Variants in NKAIN3 observed in about 807,000 individuals in gnomAD.
NKAIN3 encodes the protein sodium/potassium-transporting ATPase subunit beta-1-interacting protein 3.
A neutral mutation model predicts 30.2 loss-of-function variants in NKAIN3; 25 were observed. The ratio of observed to expected loss-of-function variants is 0.83; its 90% CI spans 0.60 to 1.16. The LOEUF is 1.16. Ranked by LOEUF, NKAIN3 falls within the 50% of genes most tolerant of loss-of-function variation. The pLI is 0.00. For missense variants in NKAIN3, 225 were observed against 254.1 expected, an observed-to-expected ratio of 0.89 and a Z score of 0.78; for synonymous variants, 91 against 89.6, an observed-to-expected ratio of 1.02 and a Z score of -0.09.
chr8:62,250,533 C>T (rs1305388912), intron 1 of NKAIN3, among the ~76,000 whole-genome samples: 1 of 152,156 alleles, frequency 6.6e-6, no homozygotes, highest in Non-Finnish European at 1.5e-5. Context: ...ATGGACATGG[C>T]TTATAAGTTG....
chr8:62,789,187 T>C (rs1018916894), intron 4 of NKAIN3, among the ~76,000 whole-genome samples: 7 of 152,114 alleles, frequency 4.6e-5, no homozygotes, highest in African/African-American at 1.4e-4. Flanking sequence ...CTTCCATTTG[T>C]TTGTATCCTC....
chr8:62,319,205 CTA>C (rs1814779769), intron 1 of NKAIN3, among the ~76,000 whole-genome samples: 1 of 151,974 alleles, frequency 6.6e-6, no homozygotes, highest in Non-Finnish European at 1.5e-5. Context: ...TTTATTGCGT[CTA>C]TTTTATTCTT....
chr8:62,314,873 T>C (rs1379970332), intron 1 of NKAIN3, among the ~76,000 whole-genome samples: 2 of 152,188 alleles, frequency 1.3e-5, no homozygotes, highest in African/African-American at 2.4e-5. Context: ...TCATAAACAC[T>C]GAACCTAATA....
chr8:62,730,954 C>G (rs1458818451), intron 3 of NKAIN3, among the ~76,000 whole-genome samples: 5 of 152,088 alleles, frequency 3.3e-5, no homozygotes, highest in African/African-American at 1.2e-4. Flanking sequence ...TTTTGATGCT[C>G]AAATTATTAC....
At chr8:62,821,648 A>G (rs1191395529) in intron 4 of NKAIN3, among the ~76,000 whole-genome samples, 1 of 152,108 alleles carries the variant, frequency 6.6e-6, no homozygotes, top group Non-Finnish European at 1.5e-5. Context: ...ACACATACCT[A>G]TGTGTCCTGA....
chr8:62,807,296 G>C (rs942750045), intron 4 of NKAIN3, among the ~76,000 whole-genome samples: 1 of 152,058 alleles, frequency 6.6e-6, no homozygotes, highest in Non-Finnish European at 1.5e-5. Context: ...CTTGCATCTT[G>C]TTTTCTCCAT....
rs193173130 is a variant in NKAIN3 at position 62,889,923 on chromosome 8, T to A, written c.472-28530T>A. The stretch of plus-strand genomic sequence containing the variant: ...CTGGTTCCATGTTGAGAGGCCACAG[T>A]GGAATGGTATAAAAAAAAACAAAGT... On this transcript the variant is annotated intron_variant, in intron 4 of 6. Transcript: ENST00000623646. Among the ~76,000 whole-genome samples the A allele has an allele frequency of 5.3e-5, 8 of 152,066 alleles. No individual in the cohort carries two copies. The East Asian group carries it at 1.4e-3, about 26-fold the overall frequency.
chr8:62,327,076 A>G (rs1471315969), intron 1 of NKAIN3, among the ~76,000 whole-genome samples: 1 of 149,326 alleles, frequency 6.7e-6, no homozygotes, highest in African/African-American at 2.6e-5. Flanking sequence ...TAGTGATGGT[A>G]AAAAATCTTT....
At chr8:62,609,677 G>A (rs932294887) in intron 3 of NKAIN3, among the ~76,000 whole-genome samples, 1 of 152,082 alleles carries the variant, frequency 6.6e-6, no homozygotes, top group Non-Finnish European at 1.5e-5. Flanking sequence ...AAAATAAAAG[G>A]AAATAAAAGG....
intron 4 of NKAIN3, among the ~76,000 whole-genome samples, chr8:62,788,476 C>G (rs1355388633): frequency 6.6e-6 from 1 of 152,106 alleles, no homozygotes; most frequent in Non-Finnish European, 1.5e-5. Context: ...TTCTCCCATT[C>G]TGTAGGTTGC....
At chr8:62,752,691 T>G (rs1816325622) in intron 4 of NKAIN3, among the ~76,000 whole-genome samples, 1 of 152,200 alleles carries the variant, frequency 6.6e-6, no homozygotes, top group Non-Finnish European at 1.5e-5. Flanking sequence ...AACTTCTTAT[T>G]TATCTCCCAT....
At chr8:62,308,029 G>C (rs774633806) in intron 1 of NKAIN3, among the ~76,000 whole-genome samples, 1 of 150,324 alleles carries the variant, frequency 6.7e-6, no homozygotes. Context: ...AAATGGGTCA[G>C]GAGAACATAG....
At chr8:62,862,298 A>T (rs577567622) in intron 4 of NKAIN3, among the ~76,000 whole-genome samples, 53 of 149,624 alleles carry the variant, frequency 3.5e-4, no homozygotes, top group African/African-American at 1.2e-3. Context: ...GTAGTAATTT[A>T]AAAAAAAAAG....
rs1823349855 is a variant in NKAIN3, at chr8:62,953,878, A to T, written c.533-24A>T. On this transcript the variant is annotated intron_variant, in intron 5 of 6. Transcript: ENST00000623646. ...ATGTGTATTTTTTACACACTTATTC[A>T]TATGGCCTATGTTATATTTTCAGTT... is the stretch of plus-strand genomic sequence containing the variant. 5 of 820,308 alleles carry T rather than the reference A, an allele frequency of 6.1e-6. No homozygotes were observed. The African/African-American group carries it at 9.3e-5, about 15-fold the overall frequency. The allele number at this position is 820,308 out of a possible 1,614,324, so 50.8% of individuals were successfully genotyped here.
At chr8:62,345,278 TAC>T (rs1815896579) in intron 1 of NKAIN3, among the ~76,000 whole-genome samples, 1 of 149,368 alleles carries the variant, frequency 6.7e-6, no homozygotes, top group African/African-American at 2.5e-5. Flanking sequence ...CACACACATA[TAC>T]ACGCACATAT....
intron 4 of NKAIN3, among the ~76,000 whole-genome samples, chr8:62,783,524 C>T (rs1034234662): frequency 6.6e-6 from 1 of 151,968 alleles, no homozygotes; most frequent in Non-Finnish European, 1.5e-5. Flanking sequence ...ATATAAAAGA[C>T]CTCCACAACA....
intron 3 of NKAIN3, among the ~76,000 whole-genome samples, chr8:62,645,729 G>T (rs1812440438): frequency 6.6e-6 from 1 of 152,128 alleles, no homozygotes; most frequent in East Asian, 1.9e-4. Flanking sequence ...ACTTTGTTTT[G>T]GGCATTTAAA....
chr8:62,589,876 TGTGTGTGTGTG>T (rs1227171258), intron 3 of NKAIN3, 82 bp downstream of exon 3: 1 of 32,784 alleles, frequency 3.1e-5, no homozygotes, highest in African/African-American at 5.1e-4. Context: ...ATAGGTATAT[TGTGTGTGTGTG>T]TGTGTGTGTG....
At position 62,248,890 on chromosome 8, in the gene NKAIN3, G is replaced by C. The variant is rs1358783296; in HGVS notation, c.-184G>C. On this transcript the variant is annotated 5_prime_UTR_variant, in exon 1 of 7. Transcript: ENST00000623646. ...GGGTCGTGCGCACCGCACTGACCTC[G>C]GCCCGCCCCGCCGGGAAACTAACAA... 5 of 557,056 alleles carry C rather than the reference G, an allele frequency of 9.0e-6. No homozygotes were observed. Among genetic ancestry groups the C allele is most frequent in the African/African-American group, 6.1e-5 (3 of 49,214 alleles). 34.5% of individuals were successfully genotyped at this position (557,056 alleles called of 1,614,324 possible).
Sources: allele counts gnomAD v4.1 joint callset (sites outside exome capture counted in the v4.1 genomes callset), GRCh38; gene constraint gnomAD v4.1.1; transcripts MANE v1.5; gene names NCBI Gene and HGNC (gene_info 2026-07-23, HGNC 2026-07-21).